The following BBS2 variants were observed in gnomAD, a reference collection of about 807,000 sequenced individuals.
BBS2 encodes the protein Bardet-Biedl syndrome 2.
Under a neutral mutation model 83.0 loss-of-function variants are expected in BBS2, and 62 were observed. That is an observed-to-expected ratio of 0.75 (90% CI 0.61 to 0.92). The LOEUF is 0.92. Ranked by LOEUF, BBS2 falls within the 40% of genes least tolerant of loss-of-function variation. The pLI is 0.00. For missense variants in BBS2, 784 were observed against 901.0 expected (o/e 0.87, Z 1.66); for synonymous variants, 303 against 326.1 (o/e 0.93, Z 0.76).
chr16:56,497,076 C>T lies in BBS2; in HGVS notation c.1801G>A (p.Asp601Asn). 6.2e-7 allele frequency: 1 copy of T among 1,602,574 alleles called. No homozygotes were observed. Among genetic ancestry groups the T allele is most frequent in the Non-Finnish European group, 8.6e-7 (1 of 1,169,482 alleles). ...TTCTGATGCACTGAATGATATTCAT[C>T]CACCTGGAGACCATGAACACTCAGG... is the stretch of plus-strand genomic sequence containing the variant. ...EELRKVLVKVDEYHSVHQKLS... is the reference protein window; with the variant it reads ...EELRKVLVKVNEYHSVHQKLS... Residue 601 changes from aspartate (D) to asparagine (N), a missense_variant, in exon 15 of 17, where the codon GAT (aspartate) becomes AAT (asparagine). Physicochemically the swap from Asp to Asn is conservative, Grantham distance 23. Transcript: ENST00000245157.
chr16:56,501,675 C>G (rs556113116), intron 9 of BBS2, 178 bp from the exon 10 acceptor site: 32 of 833,458 alleles, frequency 3.8e-5, no homozygotes, highest in Non-Finnish European at 6.0e-5. Context: ...CTTGCTCTAT[C>G]TGGCCCTGTG....
At chr16:56,489,373 T>C (rs1963874771) in intron 15 of BBS2, among the ~76,000 whole-genome samples, 1 of 152,044 alleles carries the variant, frequency 6.6e-6, no homozygotes, top group Non-Finnish European at 1.5e-5. Flanking sequence ...AATGATATTG[T>C]CAAATGAAGT....
intron 17 of BBS2, among the ~76,000 whole-genome samples, chr16:56,474,310 A>T (rs1963349230): frequency 6.6e-6 from 1 of 151,268 alleles, no homozygotes; most frequent in Non-Finnish European, 1.5e-5. Flanking sequence ...GAGAAATCAA[A>T]ATTCAACTTT....
At chr16:56,499,533 G>A (rs1403419322) in intron 12 of BBS2, 6 of 457,074 alleles carry the variant, frequency 1.3e-5, no homozygotes, top group Admixed American at 6.6e-5. Context: ...GGAAAGAGAG[G>A]AATTAAACAC....
chr16:56,518,209 T>C (rs1358736783), intron 1 of BBS2, among the ~76,000 whole-genome samples: 2 of 152,168 alleles, frequency 1.3e-5, no homozygotes, highest in Non-Finnish European at 2.9e-5. Context: ...TTAATGAAAA[T>C]GAAGCCTTAT....
intron 2 of BBS2, among the ~76,000 whole-genome samples, chr16:56,512,074 A>G (rs1157033707): frequency 1.3e-5 from 2 of 152,248 alleles, no homozygotes; most frequent in African/African-American, 4.8e-5. Context: ...ATAAATGTCC[A>G]TTTATGCACA....
Position 56,497,748 on chromosome 16 carries a change from C to T in BBS2, c.1792G>A (p.Val598Ile), listed in dbSNP as rs2144132324. 2 of 1,613,466 alleles carry T rather than the reference C, an allele frequency of 1.2e-6. No homozygotes were observed. Among genetic ancestry groups the T allele is most frequent in the African/African-American group, 2.7e-5 (2 of 75,002 alleles). ...VYFEELRKVLVKVDEYHSVHQ... is the reference protein window; with the variant it reads ...VYFEELRKVLIKVDEYHSVHQ... ...CATCTACCGCATTCCCTCACCTTAACTAGCACCTTTCGTAATTCCTCAAAA... is the reference window on the plus strand; with the variant it reads ...CATCTACCGCATTCCCTCACCTTAATTAGCACCTTTCGTAATTCCTCAAAA... Residue 598 changes from valine (V) to isoleucine (I), a missense_variant, in exon 14 of 17, where the codon GTT (valine) becomes ATT (isoleucine). Coordinates refer to ENST00000245157, the MANE Select transcript of BBS2 (RefSeq NM_031885.5).
At chr16:56,474,808 A>AT in intron 17 of BBS2, 1 of 1,579,968 alleles carries the variant, frequency 6.3e-7, no homozygotes, top group Non-Finnish European at 8.6e-7. Context: ...AAAGTTTCTC[A>AT]TCTTTTTTTT....
chr16:56,500,087 T>A (rs1964222531), intron 11 of BBS2, 180 bp from the exon 12 acceptor site: 1 of 647,864 alleles, frequency 1.5e-6, no homozygotes, highest in African/African-American at 1.8e-5. Flanking sequence ...AGGTTTGGGA[T>A]TTAAAGACAG....
intron 15 of BBS2, among the ~76,000 whole-genome samples, chr16:56,490,172 TAATG>T (rs1963910966): frequency 6.6e-6 from 1 of 151,132 alleles, no homozygotes; most frequent in Non-Finnish European, 1.5e-5. Context: ...AATATAATAA[TAATG>T]TGATAGTCAT....
intron 17 of BBS2, chr16:56,474,681 T>G (rs1382207267): frequency 1.6e-6 from 1 of 621,330 alleles, no homozygotes; most frequent in Non-Finnish European, 2.7e-6. Flanking sequence ...TTTATAAGGC[T>G]GGATTGGTAG....
intron 10 of BBS2, 155 bp downstream of exon 10, chr16:56,501,198 T>G: frequency 7.8e-7 from 1 of 1,281,702 alleles, no homozygotes; most frequent in Non-Finnish European, 1.1e-6. Flanking sequence ...TAGTCCCAGC[T>G]ACTTGGGAGG....
intron 2 of BBS2, among the ~76,000 whole-genome samples, chr16:56,511,965 G>T (rs1964589606): frequency 6.6e-6 from 1 of 152,190 alleles, no homozygotes; most frequent in Non-Finnish European, 1.5e-5. Context: ...CAAAGAGTTT[G>T]TATCCAGTAT....
intron 17 of BBS2, among the ~76,000 whole-genome samples, chr16:56,471,347 G>A (rs1214319774): frequency 1.3e-5 from 2 of 150,032 alleles, no homozygotes; most frequent in African/African-American, 2.5e-5. Flanking sequence ...GGGCAACAGA[G>A]CGAGACTACA....
At chr16:56,470,667 C>A in exon 18 of BBS2, 1 of 1,614,136 alleles carries the variant, frequency 6.2e-7, no homozygotes. Flanking sequence ...CCACTGATAT[C>A]ACTGAAGAAG....
rs558817888 is a variant in BBS2 at position 56,502,997 on chromosome 16, C to A, written c.805-189G>T. ...AAGAGGGACCCTAAAGAGCCTCAAC[C>A]AGCTGTGCTTCCTTCTTTTTAAATA... On this transcript the variant is annotated intron_variant, in intron 7 of 16. Coordinates refer to ENST00000245157, the MANE Select transcript of BBS2 (RefSeq NM_031885.5). Among the ~76,000 whole-genome samples, 4 of 152,324 alleles carry A rather than the reference C, an allele frequency of 2.6e-5. No individual in the cohort carries two copies. In the South Asian group the frequency reaches 8.3e-4, roughly 32 times the overall value.
intron 1 of BBS2, 100 bp from the exon 2 acceptor site, chr16:56,514,780 C>T: frequency 2.3e-6 from 2 of 855,484 alleles, no homozygotes; most frequent in Non-Finnish European, 1.9e-6. Context: ...TCCACATTAA[C>T]AAGAGGTCAC....
intron 14 of BBS2, 63 bp from the exon 15 acceptor site, chr16:56,497,142 GAA>G: frequency 9.5e-7 from 1 of 1,049,724 alleles, no homozygotes; most frequent in Non-Finnish European, 1.5e-6. Flanking sequence ...CCAGACAAAT[GAA>G]AAGACACTAT....
chr16:56,487,545 G>A (rs1434014251), intron 15 of BBS2, among the ~76,000 whole-genome samples: 3 of 152,020 alleles, frequency 2.0e-5, no homozygotes, highest in Admixed American at 1.3e-4. Context: ...CTTAAAATTG[G>A]TAACATCCAG....
Sources: gnomAD v4.1 joint callset for allele counts (sites outside exome capture counted in the v4.1 genomes callset) on GRCh38, gnomAD v4.1.1 for gene constraint, MANE v1.5 for transcripts, NCBI Gene and HGNC (gene_info 2026-07-23, HGNC 2026-07-21) for gene names.